The following PCDHGA5 variants were observed in gnomAD, a reference collection of about 807,000 sequenced individuals.
The protein encoded by PCDHGA5 is protocadherin gamma subfamily A, 5.
PCDHGA5 carries 36 observed loss-of-function variants against 56.7 expected under a neutral mutation model. That is an observed-to-expected ratio of 0.64 (90% CI 0.49 to 0.84). PCDHGA5 has a LOEUF of 0.84. Among genes scored for constraint, PCDHGA5 ranks in the 40% least tolerant of loss-of-function variants. The probability of loss-of-function intolerance (pLI) is 0.00; values close to 1 mark genes in which losing one functional copy is unlikely to be tolerated. For synonymous variants in PCDHGA5, 563 were observed against 520.2 expected (o/e 1.08, Z -1.12); for missense variants, 1,305 against 1,201.5 (o/e 1.09, Z -1.27).
chr5:141,422,406 T>C, intron 1 of PCDHGA5: 1 of 1,601,224 alleles, frequency 6.2e-7, no homozygotes, highest in South Asian at 1.1e-5. Context: ...ACCTGCCTTT[T>C]AAATTAGAAA....
chr5:141,389,990 C>T (rs2091998485), intron 1 of PCDHGA5: 3 of 1,614,044 alleles, frequency 1.9e-6, no homozygotes, highest in Non-Finnish European at 8.5e-7. Context: ...TGCTCTTCCT[C>T]GTGGCCATGA....
At chr5:141,384,606 A>AGATGGT in intron 1 of PCDHGA5, 1 of 1,614,152 alleles carries the variant, frequency 6.2e-7, no homozygotes, top group Non-Finnish European at 8.5e-7. Context: ...CCCTCCCCAC[A>AGATGGT]GATGGTTCTA....
chr5:141,487,811 A>T lies in PCDHGA5; in HGVS notation c.2422-6996A>T, dbSNP rs1389081995. 2.1e-6 allele frequency: 3 copies of T among 1,414,662 alleles called. No homozygotes were observed. In the African/African-American group the frequency reaches 4.3e-5, roughly 20 times the overall value. 87.6% of individuals were successfully genotyped at this position (1,414,662 alleles called of 1,614,324 possible). A position where few individuals can be genotyped will look rare whatever the true frequency, so the allele number is the denominator to read the frequency against. ...TTAACCAGAGTTGTCACAGTTTAGCATTGGGGGCGGGTCATGCCTATATCT... is the reference window on the plus strand; with the variant it reads ...TTAACCAGAGTTGTCACAGTTTAGCTTTGGGGGCGGGTCATGCCTATATCT... On this transcript the variant is annotated intron_variant, in intron 1 of 3. Transcript: ENST00000518069. The surrounding 1 kb of genome is among the most constrained non-coding windows in gnomAD (Gnocchi z 5.0).
rs746487145 is a variant in PCDHGA5 at position 141,505,415 on chromosome 5, G to A, written c.2503G>A (p.Gly835Ser). 7.4e-6 allele frequency: 12 copies of A among 1,614,074 alleles called. No individual in the cohort carries two copies. The East Asian group carries it at 1.3e-4, about 18-fold the overall frequency. Residue 835 changes from glycine to serine, a missense_variant, in exon 3 of 4, where the codon GGC (glycine) becomes AGC (serine). Gly to Ser is a moderately conservative substitution (Grantham distance 56, BLOSUM62 0). Coordinates refer to ENST00000518069, the MANE Select transcript of PCDHGA5 (RefSeq NM_018918.3). ...CAGCTCCCAAAATGGCGATGACACC[G>A]GCACCTGGCCCAACAACCAGTTTGA... ...TSGSQNGDDT[G>S]TWPNNQFDTE...
chr5:141,394,069 A>G (rs1054107584), intron 1 of PCDHGA5: 1 of 1,613,862 alleles, frequency 6.2e-7, no homozygotes, highest in African/African-American at 1.3e-5. Context: ...TCTATCTACA[A>G]TATCACAGTG....
chr5:141,364,743 T>C lies in PCDHGA5; in HGVS notation c.413T>C (p.Leu138Ser). The C allele has an allele frequency of 6.2e-7, 1 of 1,613,916 alleles. No individual in the cohort carries two copies. Among genetic ancestry groups the C allele is most frequent in the Non-Finnish European group, 8.5e-7 (1 of 1,179,862 alleles). Residue 138 changes from leucine to serine, a missense_variant, in exon 1 of 4, where the codon TTA (leucine) becomes TCA (serine). Transcript: ENST00000518069. The part of the protein sequence containing the change: ...DNFPRFRDEE[L>S]KVKVNENAAA... ...TTCCCGCGTTTCCGGGATGAAGAGT[T>C]AAAAGTAAAAGTTAATGAAAATGCG...
At chr5:141,371,831 C>G (rs374832321) in intron 1 of PCDHGA5, 7 of 1,613,652 alleles carry the variant, frequency 4.3e-6, no homozygotes, top group Non-Finnish European at 5.1e-6. Flanking sequence ...CCTCGGATCC[C>G]GACTTGGGAC....
intron 1 of PCDHGA5, among the ~76,000 whole-genome samples, chr5:141,424,889 G>A (rs1173725674): frequency 6.6e-6 from 1 of 152,090 alleles, no homozygotes; most frequent in Non-Finnish European, 1.5e-5. Flanking sequence ...ACTTATCTAG[G>A]GTTTTTGATC....
chr5:141,410,726 A>G, intron 1 of PCDHGA5: 4 of 1,376,038 alleles, frequency 2.9e-6, no homozygotes, highest in Non-Finnish European at 3.9e-6. Context: ...TTTAAAATCC[A>G]TAGCTTTTTA....
At chr5:141,435,067 T>C (rs1381741674) in intron 1 of PCDHGA5, among the ~76,000 whole-genome samples, 1 of 152,168 alleles carries the variant, frequency 6.6e-6, no homozygotes, top group African/African-American at 2.4e-5. Flanking sequence ...CAGTTTTGTG[T>C]AGACCGTCTG....
intron 1 of PCDHGA5, chr5:141,384,848 G>C (rs1373934020): frequency 1.2e-6 from 2 of 1,613,600 alleles, no homozygotes; most frequent in South Asian, 2.2e-5. Flanking sequence ...CAGGACCACG[G>C]TCAGCCTCCT....
intron 1 of PCDHGA5, among the ~76,000 whole-genome samples, chr5:141,437,922 G>A (rs1039507511): frequency 1.3e-5 from 2 of 152,106 alleles, no homozygotes; most frequent in Admixed American, 6.5e-5. Context: ...ATTTTTAGTA[G>A]AGATGGGGTT....
At chr5:141,423,444 A>C (rs1340932902) in intron 1 of PCDHGA5, 1 of 1,614,050 alleles carries the variant, frequency 6.2e-7, no homozygotes. Flanking sequence ...TGCCCACGTC[A>C]CATTTTGTAG....
At chr5:141,475,762 G>A (rs4151701) in intron 1 of PCDHGA5, among the ~76,000 whole-genome samples, 9,255 of 152,346 alleles carry the variant, frequency 0.061, 562 homozygotes, top group African/African-American at 0.16. Context: ...CACCGATACT[G>A]GCAAGGCGCT....
intron 1 of PCDHGA5, among the ~76,000 whole-genome samples, chr5:141,439,398 T>C (rs2098110369): frequency 6.6e-6 from 1 of 152,212 alleles, no homozygotes; most frequent in Admixed American, 6.5e-5. Context: ...TTCGACTTCA[T>C]GTGCTAACAT....
chr5:141,473,147 T>A (rs2099315103), intron 1 of PCDHGA5, among the ~76,000 whole-genome samples: 1 of 152,222 alleles, frequency 6.6e-6, no homozygotes, highest in Admixed American at 6.5e-5. Flanking sequence ...TCTCTTCAGA[T>A]CACTAGGGCT....
chr5:141,431,389 G>T lies in PCDHGA5; in HGVS notation c.2422-63418G>T, dbSNP rs1213370298. 1 of 1,613,876 alleles carries T rather than the reference G, an allele frequency of 6.2e-7. No homozygotes were observed. Among genetic ancestry groups the T allele is most frequent in the Admixed American group, 1.7e-5 (1 of 60,028 alleles). On this transcript the variant is annotated intron_variant, in intron 1 of 3. Transcript: ENST00000518069. This position sits in a 1 kb window ranked among gnomAD's most constrained non-coding sequence, Gnocchi z 4.8. ...GCGAAGAAAAGGCTGCTCACCACCT[G>T]GTCCTTACGGCCTCCGACGGGGGCG...
chr5:141,490,641 G>A lies in PCDHGA5; in HGVS notation c.2422-4166G>A. 3 of 1,614,160 alleles carry A rather than the reference G, an allele frequency of 1.9e-6. No homozygotes were observed. On this transcript the variant is annotated intron_variant, in intron 1 of 3. Transcript: ENST00000518069. This position sits in a 1 kb window ranked among gnomAD's most constrained non-coding sequence, Gnocchi z 5.4. Reference sequence around the variant, plus strand: ...ACACTGCTTACATCCTAGAAAACCGGCCTCCGGGCTCCCTTCTTTGCACTG... The same window carrying A: ...ACACTGCTTACATCCTAGAAAACCGACCTCCGGGCTCCCTTCTTTGCACTG...
chr5:141,408,230 C>G (rs1470965375), intron 1 of PCDHGA5: 1 of 1,566,168 alleles, frequency 6.4e-7, no homozygotes, highest in Non-Finnish European at 8.7e-7. Flanking sequence ...GCAGAGGCGC[C>G]GGGCCGGCCC....
Sources: gnomAD v4.1 joint callset for allele counts (sites outside exome capture counted in the v4.1 genomes callset) on GRCh38, gnomAD v4.1.1 for gene constraint, Gnocchi (gnomAD v3.1) non-coding constraint, MANE v1.5 for transcripts, NCBI Gene and HGNC (gene_info 2026-07-23, HGNC 2026-07-21) for gene names.